PARN: variants seen among roughly 807,000 people sequenced by gnomAD.
PARN encodes the protein poly(A)-specific ribonuclease.
PARN carries 71 observed loss-of-function variants against 102.8 expected under a neutral mutation model. That is an observed-to-expected ratio of 0.69 (90% CI 0.57 to 0.84). The LOEUF (loss-of-function observed/expected upper bound fraction) is 0.84. Ranked by LOEUF, PARN falls within the 40% of genes least tolerant of loss-of-function variation. PARN has a pLI of 0.00. For synonymous variants in PARN, 261 were observed against 252.9 expected (o/e 1.03, Z -0.30); for missense variants, 782 against 760.9 (o/e 1.03, Z -0.33).
At chr16:14,611,850 T>A (rs899156308) in intron 6 of PARN, among the ~76,000 whole-genome samples, 1 of 152,172 alleles carries the variant, frequency 6.6e-6, no homozygotes, top group African/African-American at 2.4e-5. Flanking sequence ...CAGCAAACTC[T>A]TTCTTAAAGG....
intron 23 of PARN, 70 bp downstream of exon 23, chr16:14,446,818 C>T: frequency 8.9e-7 from 1 of 1,127,604 alleles, no homozygotes. Context: ...AATTTCTCCC[C>T]CAAAATAGGA....
chr16:14,547,639 G>A (rs1567371221), intron 21 of PARN, among the ~76,000 whole-genome samples: 1 of 152,082 alleles, frequency 6.6e-6, no homozygotes, highest in East Asian at 1.9e-4. Flanking sequence ...GAGCCCAGGA[G>A]TTCGAGGCTG....
At chr16:14,532,900 GA>G (rs1253575316) in intron 21 of PARN, among the ~76,000 whole-genome samples, 1 of 151,794 alleles carries the variant, frequency 6.6e-6, no homozygotes, top group Middle Eastern at 3.2e-3. Flanking sequence ...CTGGCCGGGA[GA>G]GGGGCTCCTC....
intron 21 of PARN, among the ~76,000 whole-genome samples, chr16:14,501,198 T>C (rs976293753): frequency 2.0e-5 from 3 of 150,724 alleles, no homozygotes; most frequent in Non-Finnish European, 4.4e-5. Flanking sequence ...CTTAACACTT[T>C]TGGATTATTT....
Position 14,590,667 on chromosome 16 carries a change from A to G in PARN, c.918+2634T>C, listed in dbSNP as rs1314735245. ...AAAAAAAAAAAAGAAATGCAATTCC[A>G]TACCTTTTACACTTGTTTTGAGACC... On this transcript the variant is annotated intron_variant, in intron 13 of 23. Coordinates refer to ENST00000437198, the MANE Select transcript of PARN (RefSeq NM_002582.4). Among the ~76,000 whole-genome samples the G allele has an allele frequency of 3.3e-5, 5 of 151,672 alleles. No individual in the cohort carries two copies. In the East Asian group the frequency reaches 9.6e-4, roughly 29 times the overall value.
Position 14,584,748 on chromosome 16 carries a change from C to A in PARN, c.1005+1G>T. On this transcript the variant is annotated splice_donor_variant, in intron 15 of 23. Coordinates refer to ENST00000437198, the MANE Select transcript of PARN (RefSeq NM_002582.4). LOFTEE classifies it high-confidence loss of function. ...TTTATAAAGTAGCAAATGAATAATA[C>A]CTTAAAAGGTTGTGTGCTGGCCATC... 6.4e-7 allele frequency: 1 copy of A among 1,569,474 alleles called. No homozygotes were observed. The highest frequency in any genetic ancestry group is 8.6e-7 in the Non-Finnish European group (1 of 1,160,304).
At chr16:14,585,362 CTGTTT>C (rs1969781800) in intron 14 of PARN, among the ~76,000 whole-genome samples, 2 of 126,740 alleles carry the variant, frequency 1.6e-5, no homozygotes, top group Non-Finnish European at 3.3e-5. Context: ...CTCTATTTCT[CTGTTT>C]TTTTTTTTTT....
chr16:14,584,860 G>T (rs1319396958), intron 14 of PARN, 69 bp from the exon 15 acceptor site: 1 of 815,050 alleles, frequency 1.2e-6, no homozygotes, highest in East Asian at 2.7e-5. Flanking sequence ...ACTCAAATAT[G>T]TAAGCTACTT....
intron 21 of PARN, among the ~76,000 whole-genome samples, chr16:14,533,168 C>T (rs1966444048): frequency 6.6e-6 from 1 of 152,156 alleles, no homozygotes; most frequent in Non-Finnish European, 1.5e-5. Context: ...CCTCAGGAGG[C>T]CGAGGCTGGC....
chr16:14,576,268 A>G (rs1416008963), intron 18 of PARN: 1 of 152,286 alleles, frequency 6.6e-6, no homozygotes, highest in East Asian at 1.9e-4. Context: ...CTAGATTTCC[A>G]GCGGAACCCT....
At position 14,581,746 on chromosome 16, in the gene PARN, C is replaced by T. The variant is rs531425663; in HGVS notation, c.1192+435G>A. Among the ~76,000 whole-genome samples, 8 of 152,162 alleles carry T rather than the reference C, an allele frequency of 5.3e-5. No individual in the cohort carries two copies. The South Asian group carries it at 1.7e-3, about 32-fold the overall frequency. On this transcript the variant is annotated intron_variant, in intron 17 of 23. Coordinates refer to ENST00000437198, the MANE Select transcript of PARN (RefSeq NM_002582.4). ...ATCAGCCTGGTTAACACAGCAAGAC[C>T]CTGTCTCTATAAAAAAATTAAAAAG... is the stretch of plus-strand genomic sequence containing the variant.
intron 22 of PARN, among the ~76,000 whole-genome samples, chr16:14,458,770 G>C (rs1477492862): frequency 2.0e-5 from 3 of 152,268 alleles, no homozygotes; most frequent in Middle Eastern, 3.4e-3. Context: ...CCTACCCCAG[G>C]GAAGCCAGGG....
At position 14,440,164 on chromosome 16, in the gene PARN, TAAAC is replaced by T. The variant is rs1273957997; in HGVS notation, c.1865-3396_1865-3393del. ...GAACTCTCAAAATGCAGTCAGAAAA[TAAAC>T]AACCCTAGAACAAAGGGAAAAAATG... On this transcript the variant is annotated intron_variant, in intron 23 of 23. Transcript: ENST00000437198. Among the ~76,000 whole-genome samples, 7 of 151,438 alleles carry T rather than the reference TAAAC, an allele frequency of 4.6e-5. No homozygotes were observed. In the East Asian group the frequency reaches 7.7e-4, roughly 17 times the overall value.
At chr16:14,555,924 G>GGT (rs1967656235) in intron 18 of PARN, among the ~76,000 whole-genome samples, 1 of 151,904 alleles carries the variant, frequency 6.6e-6, no homozygotes, top group Admixed American at 6.6e-5. Flanking sequence ...GGCATGCAGT[G>GGT]GTGTGATCTT....
chr16:14,527,691 T>C (rs535325747), intron 21 of PARN, among the ~76,000 whole-genome samples: 1 of 152,312 alleles, frequency 6.6e-6, no homozygotes, highest in South Asian at 2.1e-4. Flanking sequence ...CTTTAACTCA[T>C]GTGTGAACAA....
chr16:14,480,683 G>C (rs1045804161), intron 22 of PARN, among the ~76,000 whole-genome samples: 62 of 152,188 alleles, frequency 4.1e-4, no homozygotes, highest in Non-Finnish European at 1.5e-4. Flanking sequence ...GCTCACGCCT[G>C]TAATCCCAAC....
At chr16:14,452,918 T>G (rs1961525370) in intron 22 of PARN, among the ~76,000 whole-genome samples, 1 of 152,254 alleles carries the variant, frequency 6.6e-6, no homozygotes. Context: ...TAACACTGCC[T>G]TTACAAATGT....
intron 12 of PARN, among the ~76,000 whole-genome samples, chr16:14,599,290 T>A (rs952566722): frequency 6.6e-6 from 1 of 152,148 alleles, no homozygotes; most frequent in Admixed American, 6.6e-5. Flanking sequence ...CAATCCATCC[T>A]TATCGGCCTC....
At chr16:14,512,999 G>A (rs563461442) in intron 21 of PARN, among the ~76,000 whole-genome samples, 134 of 152,228 alleles carry the variant, frequency 8.8e-4, no homozygotes, top group African/African-American at 3.1e-3. Context: ...TTGGCTCACT[G>A]TTGCAACCTT....
Sources: allele counts gnomAD v4.1 joint callset (sites outside exome capture counted in the v4.1 genomes callset), GRCh38; gene constraint gnomAD v4.1.1; transcripts MANE v1.5; gene names NCBI Gene and HGNC (gene_info 2026-07-23, HGNC 2026-07-21).